The following CASS4 variants were observed in gnomAD, a reference collection of about 807,000 sequenced individuals.
CASS4 encodes Cas scaffold protein family member 4, also known as cas scaffolding protein family member 4.
A neutral mutation model predicts 54.2 loss-of-function variants in CASS4; 22 were observed. The observed-to-expected ratio is 0.41, with a 90% CI of 0.29 to 0.58. The LOEUF (loss-of-function observed/expected upper bound fraction) is 0.58. CASS4 is among the 20% of genes least tolerant of loss of function. CASS4 has a pLI of 0.36. For missense variants in CASS4, 854 were observed against 986.7 expected, an observed-to-expected ratio of 0.87 and a Z score of 1.80; for synonymous variants, 409 against 391.5, an observed-to-expected ratio of 1.04 and a Z score of -0.53.
At chr20:56,418,215 C>G (rs1310053786) in intron 1 of CASS4, among the ~76,000 whole-genome samples, 4 of 152,162 alleles carry the variant, frequency 2.6e-5, no homozygotes, top group African/African-American at 9.7e-5. Context: ...GAAAAGGCCA[C>G]TCTGAACACC....
intron 2 of CASS4, among the ~76,000 whole-genome samples, chr20:56,439,607 T>C (rs1041092880): frequency 6.6e-6 from 1 of 151,862 alleles, no homozygotes; most frequent in Non-Finnish European, 1.5e-5. Flanking sequence ...GCCCAGGAGA[T>C]TGAAGCTGCA....
At chr20:56,449,813 C>G (rs1374630449) in intron 3 of CASS4, among the ~76,000 whole-genome samples, 3 of 151,994 alleles carry the variant, frequency 2.0e-5, no homozygotes, top group African/African-American at 7.2e-5. Context: ...AGCTTCGTGT[C>G]TGGTCATTAG....
intron 5 of CASS4, among the ~76,000 whole-genome samples, chr20:56,454,195 C>CA (rs1158980952): frequency 1.3e-5 from 2 of 151,794 alleles, no homozygotes; most frequent in Non-Finnish European, 2.9e-5. Flanking sequence ...ACAACAACAA[C>CA]AAAAAAACAA....
chr20:56,451,715 G>A, intron 4 of CASS4, 104 bp from the exon 5 acceptor site: 1 of 808,270 alleles, frequency 1.2e-6, no homozygotes, highest in Non-Finnish European at 2.0e-6. Context: ...ACAGAAATGG[G>A]GAGCCACTGA....
chr20:56,439,784 G>C (rs1980372730), intron 2 of CASS4, among the ~76,000 whole-genome samples: 1 of 152,186 alleles, frequency 6.6e-6, no homozygotes, highest in African/African-American at 2.4e-5. Flanking sequence ...CAAAGCCCTG[G>C]CCTTCATGAG....
chr20:56,438,314 T>A (rs1980292776), intron 2 of CASS4, among the ~76,000 whole-genome samples: 2 of 151,722 alleles, frequency 1.3e-5, no homozygotes, highest in Non-Finnish European at 2.9e-5. Context: ...TATATCCCCT[T>A]CAATGCAGAA....
At chr20:56,439,964 C>T (rs1279223486) in intron 2 of CASS4, among the ~76,000 whole-genome samples, 2 of 152,230 alleles carry the variant, frequency 1.3e-5, no homozygotes, top group Non-Finnish European at 2.9e-5. Flanking sequence ...GAGGCATGTG[C>T]TGTGGGGGCC....
chr20:56,423,367 C>T (rs1351773244), intron 1 of CASS4, among the ~76,000 whole-genome samples: 2 of 152,182 alleles, frequency 1.3e-5, no homozygotes, highest in East Asian at 3.9e-4. Context: ...TTCCAATGCT[C>T]CCCACTATAT....
At chr20:56,449,447 C>T (rs1332727929) in intron 3 of CASS4, among the ~76,000 whole-genome samples, 2 of 150,836 alleles carry the variant, frequency 1.3e-5, no homozygotes, top group Non-Finnish European at 2.9e-5. Flanking sequence ...CATCACACAC[C>T]GGGGCCTGTC....
At chr20:56,436,404 G>A (rs1241354304) in intron 1 of CASS4, among the ~76,000 whole-genome samples, 2 of 146,408 alleles carry the variant, frequency 1.4e-5, no homozygotes, top group South Asian at 2.1e-4. Flanking sequence ...TATATGTTGG[G>A]TACATATATA....
rs139194067 is a variant in CASS4 at position 56,438,812 on chromosome 20, G to A, written c.459+1226G>A. On this transcript the variant is annotated intron_variant, in intron 2 of 5. Transcript: ENST00000679887. ...GGGAAGGTTGCAGTGAGCTGAGATC[G>A]CACCATTGCTCCCCAGCCTGGACGC... Among the ~76,000 whole-genome samples, 385 of 152,286 alleles carry A rather than the reference G, an allele frequency of 2.5e-3. 1 individual carries two copies. The highest frequency in any genetic ancestry group is 8.6e-3 in the African/African-American group (358 of 41,534).
chr20:56,446,615 G>C (rs1354061882), intron 3 of CASS4, among the ~76,000 whole-genome samples: 1 of 151,976 alleles, frequency 6.6e-6, no homozygotes, highest in Non-Finnish European at 1.5e-5. Flanking sequence ...TCAAAAAATA[G>C]CTTTGCTCCT....
chr20:56,448,131 G>A (rs1980815848), intron 3 of CASS4, among the ~76,000 whole-genome samples: 1 of 129,484 alleles, frequency 7.7e-6, no homozygotes, highest in Admixed American at 7.8e-5. Flanking sequence ...GACAGAGTGA[G>A]ACTCTGTCTC....
chr20:56,437,884 T>C lies in CASS4; in HGVS notation c.459+298T>C, dbSNP rs1019649981. Among the ~76,000 whole-genome samples the C allele has an allele frequency of 1.1e-4, 17 of 152,130 alleles. No individual in the cohort carries two copies. Among genetic ancestry groups the C allele is most frequent in the African/African-American group, 4.1e-4 (17 of 41,420 alleles). ...CTGTGTGGGAAGGCACTGAGGATGT[T>C]CGTGGCACCCTTTTCACAGGATGAA... On this transcript the variant is annotated intron_variant, in intron 2 of 5. Transcript: ENST00000679887. The surrounding 1 kb of genome is among the most constrained non-coding windows in gnomAD (Gnocchi z 4.7).
chr20:56,428,140 G>A (rs144615200), intron 1 of CASS4, among the ~76,000 whole-genome samples: 11 of 152,240 alleles, frequency 7.2e-5, no homozygotes, highest in East Asian at 1.9e-4. Context: ...GGATGGAAAC[G>A]GTCTCATGAT....
Position 56,430,263 on chromosome 20 carries a change from G to A in CASS4, c.37-6901G>A, listed in dbSNP as rs574442712. Among the ~76,000 whole-genome samples, 20 of 152,250 alleles carry A rather than the reference G, an allele frequency of 1.3e-4. No individual in the cohort carries two copies. The highest frequency in any genetic ancestry group is 4.1e-4 in the South Asian group (2 of 4,826). ...AGGCAGTGAGTCTCTTATTCTTCAC[G>A]TTTGTTTCCCTATCCTCCTCCTGTT... On this transcript the variant is annotated intron_variant, in intron 1 of 5. Coordinates refer to ENST00000679887, the MANE Select transcript of CASS4 (RefSeq NM_020356.4). This position sits in a 1 kb window ranked among gnomAD's most constrained non-coding sequence, Gnocchi z 4.2.
intron 1 of CASS4, among the ~76,000 whole-genome samples, chr20:56,425,749 G>A (rs1399629726): frequency 6.6e-6 from 1 of 152,114 alleles, no homozygotes; most frequent in Admixed American, 6.5e-5. Context: ...TTTACACATG[G>A]TTTTAGGAAT....
intron 3 of CASS4, 88 bp downstream of exon 3, chr20:56,446,089 C>A: frequency 1.2e-6 from 1 of 859,802 alleles, no homozygotes; most frequent in Non-Finnish European, 1.8e-6. Context: ...TGCATTTCAG[C>A]ATTACCATGG....
intron 2 of CASS4, among the ~76,000 whole-genome samples, chr20:56,443,791 A>C (rs1428965681): frequency 6.6e-6 from 1 of 152,066 alleles, no homozygotes; most frequent in Non-Finnish European, 1.5e-5. Context: ...ATAGAGGGGG[A>C]GTCCTGGACC....
Sources: gnomAD v4.1 joint callset for allele counts (sites outside exome capture counted in the v4.1 genomes callset) on GRCh38, gnomAD v4.1.1 for gene constraint, Gnocchi (gnomAD v3.1) non-coding constraint, MANE v1.5 for transcripts, NCBI Gene and HGNC (gene_info 2026-07-23, HGNC 2026-07-21) for gene names.